Variants in PCDHGB2 observed in about 807,000 individuals in gnomAD.
The protein encoded by PCDHGB2 is protocadherin gamma-B2.
In PCDHGB2, 55 loss-of-function variants were observed where a neutral mutation model predicts 59.3. The ratio of observed to expected loss-of-function variants is 0.93; its 90% CI spans 0.75 to 1.16. The LOEUF (loss-of-function observed/expected upper bound fraction) is 1.16. PCDHGB2 is among the 50% of genes most tolerant of loss of function. The pLI is 0.00. For synonymous variants in PCDHGB2, 516 were observed against 512.0 expected (o/e 1.01, Z -0.11); for missense variants, 1,228 against 1,198.5 (o/e 1.02, Z -0.36).
intron 2 of PCDHGB2, among the ~76,000 whole-genome samples, chr5:141,501,890 A>G (rs1046816316): frequency 6.6e-6 from 1 of 151,980 alleles, no homozygotes; most frequent in Non-Finnish European, 1.5e-5. Flanking sequence ...CCTGATCATC[A>G]TGGTTCCAAC....
intron 1 of PCDHGB2, among the ~76,000 whole-genome samples, chr5:141,368,980 A>G (rs907841049): frequency 4.6e-5 from 7 of 152,190 alleles, no homozygotes; most frequent in Non-Finnish European, 7.3e-5. Context: ...CTTTTCCACT[A>G]TAAGGTGAAT....
At chr5:141,403,105 C>T in intron 1 of PCDHGB2, 1 of 1,614,056 alleles carries the variant, frequency 6.2e-7, no homozygotes. Flanking sequence ...TCTCCAAGGA[C>T]CTGGCTCTGG....
In PCDHGB2 at chr5:141,511,186, G is replaced by T; in HGVS notation, c.*13G>T. On this transcript the variant is annotated 3_prime_UTR_variant, in exon 4 of 4. Transcript: ENST00000522605. ...GGAGAAGAAGTAACATGGAGGCCAG[G>T]CCAAGAGCCACAGGGCGGCCTCTCC... 6.2e-7 allele frequency: 1 copy of T among 1,613,906 alleles called. No individual in the cohort carries two copies. The highest frequency in any genetic ancestry group is 2.2e-5 in the East Asian group (1 of 44,876).
At chr5:141,403,425 T>C in intron 1 of PCDHGB2, 1 of 1,614,040 alleles carries the variant, frequency 6.2e-7, no homozygotes, top group South Asian at 1.1e-5. Context: ...CCAGAAGCTA[T>C]TGATCCGGAT....
At chr5:141,447,834 C>T (rs2098552835) in intron 1 of PCDHGB2, among the ~76,000 whole-genome samples, 1 of 151,844 alleles carries the variant, frequency 6.6e-6, no homozygotes, top group African/African-American at 2.4e-5. Flanking sequence ...GCCTGTAATC[C>T]CAGTGCTTTG....
intron 1 of PCDHGB2, chr5:141,399,663 G>C: frequency 6.2e-7 from 1 of 1,613,624 alleles, no homozygotes; most frequent in Non-Finnish European, 8.5e-7. Context: ...TGGTGTTCGC[G>C]CAGCGCGCCT....
chr5:141,386,894 A>G (rs1266264149), intron 1 of PCDHGB2, among the ~76,000 whole-genome samples: 1 of 152,228 alleles, frequency 6.6e-6, no homozygotes, highest in Non-Finnish European at 1.5e-5. Context: ...TGTTTCCTTC[A>G]ATTCAGAGGT....
Position 141,366,606 on chromosome 5 carries a change from T to A in PCDHGB2, c.2421+4050T>A, listed in dbSNP as rs545823772. The A allele has an allele frequency of 3.5e-5, 56 of 1,614,226 alleles. No homozygotes were observed. The Admixed American group carries it at 6.5e-4, about 19-fold the overall frequency. The stretch of plus-strand genomic sequence containing the variant: ...CAGACCTATTCCCACGAGGTCTCCC[T>A]CACCGCGGACTCGAGGAAGAGTCAC... On this transcript the variant is annotated intron_variant, in intron 1 of 3. Transcript: ENST00000522605.
chr5:141,511,489 A>G lies in PCDHGB2; in HGVS notation c.*316A>G. 2.3e-6 allele frequency: 1 copy of G among 435,688 alleles called. No individual in the cohort carries two copies. Among genetic ancestry groups the G allele is most frequent in the Non-Finnish European group, 4.2e-6 (1 of 239,908 alleles). The allele number at this position is 435,688 out of a possible 1,614,324, so 27.0% of individuals were successfully genotyped here. ...CGTTTAGTTACAGCTGAACTCCTCC[A>G]TCTTCCAAATCAATCAGGCCCATCC... On this transcript the variant is annotated 3_prime_UTR_variant, in exon 4 of 4. Coordinates refer to ENST00000522605, the MANE Select transcript of PCDHGB2 (RefSeq NM_018923.3).
intron 1 of PCDHGB2, chr5:141,398,860 G>C: frequency 6.2e-7 from 1 of 1,614,010 alleles, no homozygotes; most frequent in South Asian, 1.1e-5. Flanking sequence ...ATTCAACCGA[G>C]ACGTGTACAG....
Position 141,371,905 on chromosome 5 carries a change from A to C in PCDHGB2, c.2421+9349A>C, listed in dbSNP as rs768388601. 6 of 1,613,358 alleles carry C rather than the reference A, an allele frequency of 3.7e-6. No homozygotes were observed. In the South Asian group the frequency reaches 6.6e-5, roughly 18 times the overall value. On this transcript the variant is annotated intron_variant, in intron 1 of 3. Coordinates refer to ENST00000522605, the MANE Select transcript of PCDHGB2 (RefSeq NM_018923.3). ...CTGGAGCCGCGGGAGCTGTCGTCCTACGTGTCCGTGAGCGCGCGGAGCGGG... is the reference window on the plus strand; with the variant it reads ...CTGGAGCCGCGGGAGCTGTCGTCCTCCGTGTCCGTGAGCGCGCGGAGCGGG...
rs1409333356 is a variant in PCDHGB2 at position 141,418,996 on chromosome 5, T to C, written c.2421+56440T>C. On this transcript the variant is annotated intron_variant, in intron 1 of 3. Coordinates refer to ENST00000522605, the MANE Select transcript of PCDHGB2 (RefSeq NM_018923.3). ...CACGGGACCAAGACTCAGGGGAAAATGGGGAAGTCAGGTGTAGCTTAAGTA... is the reference window on the plus strand; with the variant it reads ...CACGGGACCAAGACTCAGGGGAAAACGGGGAAGTCAGGTGTAGCTTAAGTA... 3.3e-5 allele frequency: 54 copies of C among 1,613,756 alleles called. 1 individual carries two copies. The East Asian group carries it at 1.0e-3, about 30-fold the overall frequency.
intron 1 of PCDHGB2, chr5:141,398,921 C>A: frequency 6.2e-7 from 1 of 1,613,962 alleles, no homozygotes; most frequent in African/African-American, 1.3e-5. Flanking sequence ...TTGCAAGTGT[C>A]AGCCACTGAC....
chr5:141,375,192 A>G, intron 1 of PCDHGB2: 3 of 1,613,952 alleles, frequency 1.9e-6, no homozygotes, highest in South Asian at 2.2e-5. Context: ...GCCCTTTTTC[A>G]AGTGTTCGAT....
At position 141,477,754 on chromosome 5, in the gene PCDHGB2, C is replaced by T. The variant is rs1325020341; in HGVS notation, c.2422-17053C>T. The T allele has an allele frequency of 3.7e-6, 6 of 1,613,928 alleles. No homozygotes were observed. Among genetic ancestry groups the T allele is most frequent in the Non-Finnish European group, 5.1e-6 (6 of 1,180,046 alleles). On this transcript the variant is annotated intron_variant, in intron 1 of 3. Coordinates refer to ENST00000522605, the MANE Select transcript of PCDHGB2 (RefSeq NM_018923.3). The surrounding 1 kb of genome is among the most constrained non-coding windows in gnomAD (Gnocchi z 4.9). Reference sequence around the variant, plus strand: ...ATATCAGCGATGGGGGCACCCCGGTCCTAGCCACCAACATCAGCGTGAACA... The same window carrying T: ...ATATCAGCGATGGGGGCACCCCGGTTCTAGCCACCAACATCAGCGTGAACA...
In PCDHGB2 at chr5:141,410,786, TTCA is replaced by T. The variant is rs1001093749; in HGVS notation, c.2421+48232_2421+48234del. ...ATTATAGTTTTCACTATGTATTTGG[TTCA>T]TAAGTTGCTCTATCTTTTTGTAAAA... On this transcript the variant is annotated intron_variant, in intron 1 of 3. Transcript: ENST00000522605. 39 of 852,378 alleles carry T rather than the reference TTCA, an allele frequency of 4.6e-5. No homozygotes were observed. In the African/African-American group the frequency reaches 6.2e-4, roughly 13 times the overall value. 52.8% of individuals were successfully genotyped at this position (852,378 alleles called of 1,614,324 possible). A position where few individuals can be genotyped will look rare whatever the true frequency, so the allele number is the denominator to read the frequency against.
intron 1 of PCDHGB2, among the ~76,000 whole-genome samples, chr5:141,469,923 G>A (rs1251812588): frequency 1.3e-5 from 2 of 152,200 alleles, no homozygotes; most frequent in Non-Finnish European, 2.9e-5. Flanking sequence ...CCGAGGTCAG[G>A]AGTTTGAGAC....
chr5:141,360,132 G>A lies in PCDHGB2; in HGVS notation c.-4G>A, dbSNP rs1234276990. 1 of 1,589,922 alleles carries A rather than the reference G, an allele frequency of 6.3e-7. No homozygotes were observed. The highest frequency in any genetic ancestry group is 8.6e-7 in the Non-Finnish European group (1 of 1,166,128). ...ATGGGCAAAGGAGCAAAGGGAGCCA[G>A]AAGATGAAAGCGAGCTCAGGGAGGT... is the stretch of plus-strand genomic sequence containing the variant. On this transcript the variant is annotated 5_prime_UTR_variant, in exon 1 of 4. Coordinates refer to ENST00000522605, the MANE Select transcript of PCDHGB2 (RefSeq NM_018923.3).
chr5:141,494,021 G>C (rs1036188621), intron 1 of PCDHGB2, among the ~76,000 whole-genome samples: 2 of 152,158 alleles, frequency 1.3e-5, no homozygotes, highest in African/African-American at 2.4e-5. Context: ...CCCCTTGGGA[G>C]CCCTGGAGAC....
Sources: gnomAD v4.1 joint callset for allele counts (sites outside exome capture counted in the v4.1 genomes callset) on GRCh38, gnomAD v4.1.1 for gene constraint, Gnocchi (gnomAD v3.1) non-coding constraint, MANE v1.5 for transcripts, NCBI Gene and HGNC (gene_info 2026-07-23, HGNC 2026-07-21) for gene names.